KCNU1: variants seen among roughly 807,000 people sequenced by gnomAD.
KCNU1 encodes potassium calcium-activated channel subfamily U member 1.
Under a neutral mutation model 126.8 loss-of-function variants are expected in KCNU1, and 93 were observed. That is an observed-to-expected ratio of 0.73 (90% CI 0.62 to 0.87). KCNU1 has a LOEUF of 0.87. Among genes scored for constraint, KCNU1 ranks in the 40% least tolerant of loss-of-function variants. The pLI, the probability that KCNU1 is intolerant of heterozygous loss-of-function variation, is 0.00. For synonymous variants in KCNU1, 523 were observed against 494.2 expected (o/e 1.06, Z -0.77); for missense variants, 1,330 against 1,367.1 (o/e 0.97, Z 0.43).
At chr8:36,787,217 C>A in intron 1 of KCNU1, 89 bp from the exon 2 acceptor site, 2 of 1,179,992 alleles carry the variant, frequency 1.7e-6, no homozygotes, top group Non-Finnish European at 2.3e-6. Flanking sequence ...CGACTGATAC[C>A]ATCACAAGAG....
At chr8:36,918,436 TC>T (rs1334448590) in intron 22 of KCNU1, among the ~76,000 whole-genome samples, 1 of 150,212 alleles carries the variant, frequency 6.7e-6, no homozygotes, top group Admixed American at 6.7e-5. Context: ...GTGCCAGAAG[TC>T]CTAGCTACTC....
rs1024172383 is a variant in KCNU1, at chr8:36,806,161, A to T, written c.469-108A>T. Reference sequence around the variant, plus strand: ...CTGTGTATATGTAAAATAGAAGGAGATCAAGGCTTCAGCTGATAAGTAAAA... The same window carrying T: ...CTGTGTATATGTAAAATAGAAGGAGTTCAAGGCTTCAGCTGATAAGTAAAA... On this transcript the variant is annotated intron_variant, in intron 4 of 26. Transcript: ENST00000399881. 1.6e-5 allele frequency: 10 copies of T among 640,656 alleles called. No homozygotes were observed. The Admixed American group carries it at 3.1e-4, about 20-fold the overall frequency. The allele number at this position is 640,656 out of a possible 1,614,324, so 39.7% of individuals were successfully genotyped here.
chr8:36,924,518 G>A (rs1808472062), intron 24 of KCNU1, among the ~76,000 whole-genome samples: 1 of 152,192 alleles, frequency 6.6e-6, no homozygotes, highest in Non-Finnish European at 1.5e-5. Context: ...CTTAGAGAGA[G>A]AATACCACTT....
chr8:36,905,073 A>G lies in KCNU1; in HGVS notation c.2010-635A>G, dbSNP rs559040241. On this transcript the variant is annotated intron_variant, in intron 19 of 26. Coordinates refer to ENST00000399881, the MANE Select transcript of KCNU1 (RefSeq NM_001031836.3). The stretch of plus-strand genomic sequence containing the variant: ...TTTCAAAAGAACATCCAACTCTGTC[A>G]GGGATTGAATACATTATGAAACAAG... Among the ~76,000 whole-genome samples, 3 of 152,316 alleles carry G rather than the reference A, an allele frequency of 2.0e-5. No homozygotes were observed. In the East Asian group the frequency reaches 5.8e-4, roughly 29 times the overall value.
chr8:36,864,997 G>A (rs1805855690), intron 19 of KCNU1, among the ~76,000 whole-genome samples: 1 of 152,092 alleles, frequency 6.6e-6, no homozygotes, highest in South Asian at 2.1e-4. Flanking sequence ...GTTGGAGGAG[G>A]ATGACCTGCT....
At chr8:36,828,505 A>G (rs965731059) in intron 10 of KCNU1, among the ~76,000 whole-genome samples, 3 of 152,138 alleles carry the variant, frequency 2.0e-5, no homozygotes, top group Non-Finnish European at 4.4e-5. Context: ...ACTTTATAGA[A>G]GGAATATCAT....
intron 24 of KCNU1, chr8:36,928,954 A>T (rs1285271901): frequency 1.4e-6 from 1 of 694,310 alleles, no homozygotes; most frequent in Non-Finnish European, 2.6e-6. Context: ...ACTTCAGATG[A>T]TCCAGATACA....
rs900183936 is a variant in KCNU1, at chr8:36,873,530, A to C, written c.2009+9009A>C. 3.3e-5 allele frequency among the ~76,000 whole-genome samples: 5 copies of C among 152,202 alleles called. No homozygotes were observed. The East Asian group carries it at 9.6e-4, about 29-fold the overall frequency. On this transcript the variant is annotated intron_variant, in intron 19 of 26. Transcript: ENST00000399881. ...AAACATCAGGAACAAGTGAGTGTGG[A>C]ATCTGTAACAATCCCCATTTAATTG...
intron 18 of KCNU1, among the ~76,000 whole-genome samples, chr8:36,853,230 G>C (rs1198873255): frequency 2.0e-5 from 3 of 152,086 alleles, no homozygotes; most frequent in African/African-American, 7.2e-5. Flanking sequence ...CATGCTTGTA[G>C]TCCCGGCTAC....
At chr8:36,847,465 A>T (rs1270724806) in intron 18 of KCNU1, among the ~76,000 whole-genome samples, 1 of 152,140 alleles carries the variant, frequency 6.6e-6, no homozygotes, top group African/African-American at 2.4e-5. Flanking sequence ...CAGCTGTAAC[A>T]TTGCATTCTT....
At chr8:36,845,503 C>A in intron 16 of KCNU1, 77 bp from the exon 17 acceptor site, 1 of 793,048 alleles carries the variant, frequency 1.3e-6, no homozygotes, top group South Asian at 1.6e-5. Context: ...ATCCATTGAT[C>A]ATAACAGAAA....
At chr8:36,844,109 T>C (rs565683892) in intron 16 of KCNU1, among the ~76,000 whole-genome samples, 5 of 152,316 alleles carry the variant, frequency 3.3e-5, no homozygotes, top group Middle Eastern at 3.4e-3. Flanking sequence ...CCAGGCGCAG[T>C]GGCTCATGCC....
At chr8:36,917,664 C>A (rs1392252549) in intron 22 of KCNU1, among the ~76,000 whole-genome samples, 1 of 152,036 alleles carries the variant, frequency 6.6e-6, no homozygotes, top group African/African-American at 2.4e-5. Flanking sequence ...CCTTCTATTC[C>A]ATTTCTTTCC....
intron 19 of KCNU1, among the ~76,000 whole-genome samples, chr8:36,886,048 T>C (rs1806689022): frequency 1.3e-5 from 2 of 152,102 alleles, no homozygotes; most frequent in Non-Finnish European, 2.9e-5. Context: ...TCTTCCCGTA[T>C]CCCACACATT....
intron 7 of KCNU1, among the ~76,000 whole-genome samples, chr8:36,810,580 A>G (rs969382883): frequency 6.6e-6 from 1 of 152,192 alleles, no homozygotes; most frequent in Non-Finnish European, 1.5e-5. Context: ...TTGAGGGGAT[A>G]TTTGCAAAGA....
intron 18 of KCNU1, among the ~76,000 whole-genome samples, chr8:36,852,883 AT>A (rs918838274): frequency 6.6e-6 from 1 of 151,492 alleles, no homozygotes; most frequent in Non-Finnish European, 1.5e-5. Flanking sequence ...TTCTTAATGG[AT>A]TTTTTTCTAA....
At chr8:36,845,395 C>T (rs1266255771) in intron 16 of KCNU1, among the ~76,000 whole-genome samples, 185 bp from the exon 17 acceptor site, 6 of 152,130 alleles carry the variant, frequency 3.9e-5, no homozygotes, top group Non-Finnish European at 5.9e-5. Flanking sequence ...GCATAGTCAG[C>T]CCCAATCAAA....
chr8:36,785,766 T>G (rs1802690630), intron 1 of KCNU1, among the ~76,000 whole-genome samples: 1 of 152,198 alleles, frequency 6.6e-6, no homozygotes, highest in South Asian at 2.1e-4. Flanking sequence ...TTAAATCTTC[T>G]TAGTCTTCTG....
intron 19 of KCNU1, among the ~76,000 whole-genome samples, chr8:36,871,423 A>AGC (rs1554510704): frequency 6.6e-6 from 1 of 151,886 alleles, no homozygotes; most frequent in Non-Finnish European, 1.5e-5. Context: ...AGAGAGAGAG[A>AGC]GAGCGAGCAA....
Sources: allele counts gnomAD v4.1 joint callset (sites outside exome capture counted in the v4.1 genomes callset), GRCh38; gene constraint gnomAD v4.1.1; transcripts MANE v1.5; gene names NCBI Gene and HGNC (gene_info 2026-07-23, HGNC 2026-07-21).